The following HSPG2 variants were observed in gnomAD, a reference collection of about 807,000 sequenced individuals.
HSPG2 encodes basement membrane-specific heparan sulfate proteoglycan core protein.
In HSPG2, 278 loss-of-function variants were observed where a neutral mutation model predicts 526.6. That is an observed-to-expected ratio of 0.53 (90% CI 0.48 to 0.58). The LOEUF (loss-of-function observed/expected upper bound fraction) is 0.58. Among genes scored for constraint, HSPG2 ranks in the 20% least tolerant of loss-of-function variants. The probability of loss-of-function intolerance (pLI) is 0.00; values close to 1 mark genes in which losing one functional copy is unlikely to be tolerated. For synonymous variants in HSPG2, 2,465 were observed against 2,555.4 expected, an observed-to-expected ratio of 0.96 and a Z score of 1.07; for missense variants, 5,354 against 6,099.5, an observed-to-expected ratio of 0.88 and a Z score of 4.07.
intron 15 of HSPG2, 43 bp downstream of exon 15, chr1:21,880,613 A>G (rs1269281384): frequency 3.7e-6 from 6 of 1,601,152 alleles, no homozygotes; most frequent in Non-Finnish European, 5.1e-6. Flanking sequence ...CCCAGCCTAA[A>G]TCCCCCTTTG....
At chr1:21,912,905 G>A (rs1643747195) in intron 1 of HSPG2, among the ~76,000 whole-genome samples, 2 of 152,030 alleles carry the variant, frequency 1.3e-5, no homozygotes, top group South Asian at 4.2e-4. Flanking sequence ...ACTTGAACCC[G>A]GGAGGCGGAG....
At chr1:21,863,343 A>C (rs1347998794) in intron 37 of HSPG2, among the ~76,000 whole-genome samples, 1 of 151,960 alleles carries the variant, frequency 6.6e-6, no homozygotes, top group Admixed American at 6.6e-5. Context: ...ACTGCACTCC[A>C]GCCTGGGTGA....
intron 33 of HSPG2, chr1:21,870,129 G>A (rs1011717070): frequency 1.9e-5 from 10 of 531,918 alleles, no homozygotes; most frequent in South Asian, 8.1e-5. Flanking sequence ...TGGAGTCTTC[G>A]CTCAGGTGCC....
At chr1:21,836,039 T>C (rs190202295) in intron 75 of HSPG2, among the ~76,000 whole-genome samples, 53 of 149,996 alleles carry the variant, frequency 3.5e-4, no homozygotes, top group African/African-American at 1.3e-3. Flanking sequence ...TAAAAACTGA[T>C]GTAGAACAGC....
At chr1:21,844,419 T>G in intron 64 of HSPG2, 120 bp from the exon 65 acceptor site, 3 of 1,127,710 alleles carry the variant, frequency 2.7e-6, no homozygotes, top group Non-Finnish European at 3.7e-6. Context: ...TCCCTTCCCG[T>G]TCCATTGAGG....
rs1392648287 is a variant in HSPG2 at position 21,904,065 on chromosome 1, C to CG, written c.64-7756dup. Among the ~76,000 whole-genome samples, 1 of 152,084 alleles carries CG rather than the reference C, an allele frequency of 6.6e-6. No homozygotes were observed. Among genetic ancestry groups the CG allele is most frequent in the Admixed American group, 6.5e-5 (1 of 15,270 alleles). On this transcript the variant is annotated intron_variant, in intron 1 of 96. Transcript: ENST00000374695. The surrounding 1 kb of genome is among the most constrained non-coding windows in gnomAD (Gnocchi z 4.4). Reference sequence around the variant, plus strand: ...CGGGGTACCTACTATGTGCTGGGCCCGGGGGACAAAATGTGAAATGGACAC... The same window carrying CG: ...CGGGGTACCTACTATGTGCTGGGCCCGGGGGGACAAAATGTGAAATGGACAC...
In HSPG2 at chr1:21,874,653, T is replaced by C; in HGVS notation, c.3491A>G (p.His1164Arg). 6.2e-7 allele frequency: 1 copy of C among 1,613,282 alleles called. No homozygotes were observed. Among genetic ancestry groups the C allele is most frequent in the Non-Finnish European group, 8.5e-7 (1 of 1,179,696 alleles). Reference protein sequence around the residue: ...GTCERCSCHGHSEACEPETGA... With the variant: ...GTCERCSCHGRSEACEPETGA... The stretch of plus-strand genomic sequence containing the variant: ...TGTTTCTGGCTCGCAGGCCTCTGAG[T>C]GGCCATGGCAGCTGCAGCGTTCACA... Residue 1164 changes from histidine (H) to arginine (R), a missense_variant, in exon 27 of 97, where the codon CAC becomes CGC. His to Arg is a conservative substitution (Grantham distance 29). Coordinates refer to ENST00000374695, the MANE Select transcript of HSPG2 (RefSeq NM_005529.7).
At chr1:21,921,827 C>T (rs1312631031) in intron 1 of HSPG2, among the ~76,000 whole-genome samples, 1 of 152,214 alleles carries the variant, frequency 6.6e-6, no homozygotes, top group Non-Finnish European at 1.5e-5. Flanking sequence ...GAAGGCTCAA[C>T]CTGCTATCCC....
intron 30 of HSPG2, 132 bp from the exon 31 acceptor site, chr1:21,873,223 C>G (rs571427685): frequency 1.3e-5 from 15 of 1,148,738 alleles, no homozygotes; most frequent in Non-Finnish European, 2.0e-5. Flanking sequence ...CGACAGCCCT[C>G]GGAGGTGGTG....
At chr1:21,933,541 T>C (rs913565684) in intron 1 of HSPG2, among the ~76,000 whole-genome samples, 1 of 152,176 alleles carries the variant, frequency 6.6e-6, no homozygotes, top group African/African-American at 2.4e-5. Flanking sequence ...CTGAACCCAG[T>C]CACCTCCTGC....
intron 49 of HSPG2, 72 bp from the exon 50 acceptor site, chr1:21,854,415 T>G (rs1329810338): frequency 6.5e-7 from 1 of 1,530,422 alleles, no homozygotes; most frequent in Non-Finnish European, 8.8e-7. Flanking sequence ...TCAGCCTCAG[T>G]GATTCATTCA....
intron 6 of HSPG2, chr1:21,888,592 C>A: frequency 1.8e-6 from 2 of 1,120,168 alleles, no homozygotes; most frequent in Non-Finnish European, 2.4e-6. Context: ...AGGCGTGAGC[C>A]CCTGCACCCG....
At chr1:21,891,506 C>T (rs1235792352) in intron 3 of HSPG2, among the ~76,000 whole-genome samples, 7 of 152,248 alleles carry the variant, frequency 4.6e-5, no homozygotes, top group Admixed American at 1.3e-4. Context: ...ATTTCATTCA[C>T]GCCCGCATCC....
At chr1:21,876,139 C>T in intron 23 of HSPG2, 90 bp downstream of exon 23, 1 of 1,569,578 alleles carries the variant, frequency 6.4e-7, no homozygotes, top group South Asian at 1.1e-5. Flanking sequence ...CACTATTCTC[C>T]CAAGGCACCA....
Position 21,880,504 on chromosome 1 carries a change from A to G in HSPG2, c.2054T>C (p.Val685Ala), listed in dbSNP as rs1418556707. Residue 685 changes from valine to alanine, a missense_variant, in exon 16 of 97, where the codon GTG becomes GCG. Physicochemically the swap from Val to Ala is moderately conservative, Grantham distance 64 (BLOSUM62 0). Transcript: ENST00000374695. ...RPVQRAELLQ[V>A]LQSLEAVLIQ... ...GAGCACGGCCTCCAGGCTCTGCAGC[A>G]CCTGCAGCAGCTCCGCGCGCTGCAC... 1.2e-6 allele frequency: 2 copies of G among 1,613,626 alleles called. No homozygotes were observed. The highest frequency in any genetic ancestry group is 2.2e-5 in the South Asian group (2 of 91,066).
rs756956990 is a variant in HSPG2 at position 21,885,110 on chromosome 1, G to A, written c.1258C>T (p.Arg420Trp). The A allele has an allele frequency of 4.2e-5, 68 of 1,612,848 alleles. No individual in the cohort carries two copies. The highest frequency in any genetic ancestry group is 1.1e-4 in the East Asian group (5 of 44,830). Residue 420 changes from arginine to tryptophan, a missense_variant, in exon 11 of 97, where the codon CGG becomes TGG. Arg to Trp is a moderately radical substitution (Grantham distance 101). Coordinates refer to ENST00000374695, the MANE Select transcript of HSPG2 (RefSeq NM_005529.7). ...TPPRESIQAS[R>W]GQTVTFTCVA... ...CAGGTGAAGGTCACTGTCTGGCCCC[G>A]GGAAGCCTGGATGGACTCCCGGGGA...
At position 21,884,570 on chromosome 1, in the gene HSPG2, C is replaced by A; in HGVS notation, c.1612G>T (p.Asp538Tyr). Residue 538 changes from aspartate (D) to tyrosine (Y), a missense_variant, in exon 13 of 97, where the codon GAC (aspartate) becomes TAC (tyrosine). Coordinates refer to ENST00000374695, the MANE Select transcript of HSPG2 (RefSeq NM_005529.7). Reference protein sequence around the residue: ...SVCQSTRRFRDQIRLRFDQPD... With the variant: ...SVCQSTRRFRYQIRLRFDQPD... ...TGGTCAAAGCGCAGCCTGATCTGGTCCCGGAAGCGGCGGGTGCTCTGGCAC... is the reference window on the plus strand; with the variant it reads ...TGGTCAAAGCGCAGCCTGATCTGGTACCGGAAGCGGCGGGTGCTCTGGCAC... 1 of 1,611,362 alleles carries A rather than the reference C, an allele frequency of 6.2e-7. No homozygotes were observed. The highest frequency in any genetic ancestry group is 8.5e-7 in the Non-Finnish European group (1 of 1,179,914).
At chr1:21,856,428 A>C (rs1639343707) in intron 44 of HSPG2, among the ~76,000 whole-genome samples, 1 of 150,638 alleles carries the variant, frequency 6.6e-6, no homozygotes, top group African/African-American at 2.5e-5. Flanking sequence ...TATTTTATTT[A>C]TTTTTCTGAG....
At chr1:21,889,935 C>A in intron 6 of HSPG2, 46 bp downstream of exon 6, 1 of 1,609,056 alleles carries the variant, frequency 6.2e-7, no homozygotes, top group Non-Finnish European at 8.5e-7. Context: ...GAAAGGGGAC[C>A]CCACGAGTCT....
Sources: gnomAD v4.1 joint callset for allele counts (sites outside exome capture counted in the v4.1 genomes callset) on GRCh38, gnomAD v4.1.1 for gene constraint, Gnocchi (gnomAD v3.1) non-coding constraint, MANE v1.5 for transcripts, NCBI Gene and HGNC (gene_info 2026-07-23, HGNC 2026-07-21) for gene names.